The following CPZ variants were observed in gnomAD, a reference collection of about 807,000 sequenced individuals.
The protein encoded by CPZ is VEZT/CPZ fusion.
A neutral mutation model predicts 61.8 loss-of-function variants in CPZ; 103 were observed. The ratio of observed to expected loss-of-function variants is 1.67; its 90% confidence interval spans 1.42 to 1.96. The LOEUF (loss-of-function observed/expected upper bound fraction) is 1.96, where lower values mean the gene tolerates loss of function less well. CPZ is among the 30% of genes most tolerant of loss of function. The pLI is 0.00. For missense variants in CPZ, 1,461 were observed against 914.9 expected (o/e 1.60, Z -7.70); for synonymous variants, 551 against 373.7 (o/e 1.47, Z -5.47).
chr4:8,604,255 G>A (rs534821380), intron 4 of CPZ, 67 bp downstream of exon 4: 17 of 1,416,050 alleles, frequency 1.2e-5, no homozygotes, highest in African/African-American at 1.0e-4. Flanking sequence ...CTCCACCTTC[G>A]GGTGCACAAG....
chr4:8,618,358 A>G, intron 9 of CPZ, 71 bp from the exon 10 acceptor site: 1 of 1,447,522 alleles, frequency 6.9e-7, no homozygotes, highest in Non-Finnish European at 9.7e-7. Flanking sequence ...CATGTGGGGA[A>G]CGAGCTGACG....
intron 7 of CPZ, among the ~76,000 whole-genome samples, chr4:8,610,264 C>T (rs1439328765): frequency 3.3e-5 from 5 of 152,214 alleles, no homozygotes; most frequent in South Asian, 4.1e-4. Flanking sequence ...GCCTCTGGAC[C>T]GACAGCTCCT....
chr4:8,616,900 G>A (rs1204254845), intron 9 of CPZ, among the ~76,000 whole-genome samples: 2 of 152,202 alleles, frequency 1.3e-5, no homozygotes, highest in African/African-American at 2.4e-5. Context: ...AGGGGGCAGT[G>A]GCTGTCAGTC....
chr4:8,619,360 C>A lies in CPZ; in HGVS notation c.1702C>A (p.Pro568Thr). 1 of 1,614,210 alleles carries A rather than the reference C, an allele frequency of 6.2e-7. No homozygotes were observed. Among genetic ancestry groups the A allele is most frequent in the Non-Finnish European group, 8.5e-7 (1 of 1,180,028 alleles). The change falls in exon 11 of 11, where the codon CCC becomes ACC. Residue 568 changes from proline (P) to threonine (T), a missense_variant. Physicochemically the swap from Pro to Thr is conservative, Grantham distance 38 (BLOSUM62 -1). Transcript: ENST00000360986. ...YAKVIKKVII[P>T]ARMKRAGRVD... ...CAAAGTCATCAAGAAAGTCATCATC[C>A]CCGCCCGGATGAAGAGGGCTGGCCG...
chr4:8,604,789 T>C (rs552620856), intron 4 of CPZ, among the ~76,000 whole-genome samples: 34 of 152,384 alleles, frequency 2.2e-4, no homozygotes, highest in African/African-American at 7.7e-4. Flanking sequence ...CATTTGACCC[T>C]TGGTCATCAC....
intron 7 of CPZ, among the ~76,000 whole-genome samples, chr4:8,609,235 CACTCATTCACTCATCA>C (rs1560298279): frequency 1.4e-5 from 2 of 138,334 alleles, no homozygotes; most frequent in African/African-American, 5.6e-5. Flanking sequence ...CACTCATTGT[CACTCATTCACTCATCA>C]CTCACTCATT....
At chr4:8,595,654 A>G (rs1714124758) in intron 1 of CPZ, among the ~76,000 whole-genome samples, 2 of 152,216 alleles carry the variant, frequency 1.3e-5, no homozygotes, top group Admixed American at 6.5e-5. Flanking sequence ...AGCAGCACCC[A>G]CTGGGGCTTG....
chr4:8,608,968 A>T (rs1215697363), intron 7 of CPZ, among the ~76,000 whole-genome samples: 1 of 132,162 alleles, frequency 7.6e-6, no homozygotes, highest in African/African-American at 3.0e-5. Flanking sequence ...TTTGTCCTGC[A>T]TTTGTTCATT....
chr4:8,595,795 C>A (rs114011874), intron 1 of CPZ, among the ~76,000 whole-genome samples: 2 of 152,198 alleles, frequency 1.3e-5, no homozygotes, highest in Non-Finnish European at 2.9e-5. Context: ...TGAGGCCTCA[C>A]GGGATTAGGG....
intron 9 of CPZ, chr4:8,618,220 G>A (rs1002200704): frequency 1.7e-6 from 1 of 585,294 alleles, no homozygotes; most frequent in South Asian, 2.0e-5. Flanking sequence ...AACGTGCTCG[G>A]GTCAATTGCC....
chr4:8,605,825 G>A (rs143552919), intron 4 of CPZ, among the ~76,000 whole-genome samples, 164 bp from the exon 5 acceptor site: 1 of 152,366 alleles, frequency 6.6e-6, no homozygotes, highest in East Asian at 1.9e-4. Flanking sequence ...CTTAACAAAA[G>A]TGATGACCTT....
At chr4:8,605,019 A>G (rs2109322172) in intron 4 of CPZ, among the ~76,000 whole-genome samples, 1 of 152,348 alleles carries the variant, frequency 6.6e-6, no homozygotes, top group South Asian at 2.1e-4. Context: ...GGCAGGAGGC[A>G]GAGGCTCTCC....
In CPZ at chr4:8,606,193, C is replaced by T. The variant is rs1278679061; in HGVS notation, c.906+8C>T. On this transcript the variant is annotated splice_region_variant and intron_variant, in intron 5 of 10. Coordinates refer to ENST00000360986, the MANE Select transcript of CPZ (RefSeq NM_001014447.3). ...GAGGTGGCAGCTGCCGAGGTGAGCG[C>T]CCAGATGCCTGGATCCTGTGGGCCA... 1 of 1,611,070 alleles carries T rather than the reference C, an allele frequency of 6.2e-7. No homozygotes were observed. Among genetic ancestry groups the T allele is most frequent in the Non-Finnish European group, 8.5e-7 (1 of 1,178,356 alleles).
chr4:8,597,782 C>T (rs536349682), intron 1 of CPZ, among the ~76,000 whole-genome samples: 15 of 152,240 alleles, frequency 9.9e-5, no homozygotes, highest in Non-Finnish European at 1.6e-4. Flanking sequence ...CTCTTCCCCC[C>T]GGAAGATCGT....
rs369152044 is a variant in CPZ at position 8,592,878 on chromosome 4, C to A, written c.45C>A (p.Val15=). ...LPLLLLTVLV[V]AAARPGCEFE... is the part of the protein sequence containing the mutation. ...TGCTGCTCCTTACAGTCCTGGTCGTCGCCGCTGCCCGGCCGGGGTGCGAGT... is the reference window on the plus strand; with the variant it reads ...TGCTGCTCCTTACAGTCCTGGTCGTAGCCGCTGCCCGGCCGGGGTGCGAGT... The change falls in exon 1 of 11, where the codon GTC becomes GTA. Residue 15 remains valine, a synonymous_variant. Transcript: ENST00000360986. 1.3e-6 allele frequency: 2 copies of A among 1,533,692 alleles called. No homozygotes were observed. The highest frequency in any genetic ancestry group is 1.2e-5 in the South Asian group (1 of 83,512).
chr4:8,600,959 T>C, intron 2 of CPZ, 164 bp from the exon 3 acceptor site: 2 of 1,376,394 alleles, frequency 1.5e-6, no homozygotes, highest in Non-Finnish European at 1.9e-6. Flanking sequence ...TCTCACAGGC[T>C]CTGATTCCTG....
chr4:8,605,807 A>G lies in CPZ; in HGVS notation c.710-182A>G, dbSNP rs540554531. The stretch of plus-strand genomic sequence containing the variant: ...AACTAAGAATTCTGGCTAGGCATAA[A>G]AAACGAGCTTAACAAAAGTGATGAC... On this transcript the variant is annotated intron_variant, in intron 4 of 10. Coordinates refer to ENST00000360986, the MANE Select transcript of CPZ (RefSeq NM_001014447.3). Among the ~76,000 whole-genome samples the G allele has an allele frequency of 1.0e-4, 16 of 152,392 alleles. No homozygotes were observed. The East Asian group carries it at 2.5e-3, about 24-fold the overall frequency.
intron 8 of CPZ, among the ~76,000 whole-genome samples, chr4:8,613,498 G>T (rs2109341571): frequency 6.6e-6 from 1 of 152,338 alleles, no homozygotes; most frequent in Middle Eastern, 3.4e-3. Flanking sequence ...AGCTGGACCA[G>T]AGAGACGGTG....
Position 8,611,893 on chromosome 4 carries a change from AC to A in CPZ, c.1228-132del, listed in dbSNP as rs553173863. On this transcript the variant is annotated intron_variant, in intron 7 of 10. Transcript: ENST00000360986. The stretch of plus-strand genomic sequence containing the variant: ...CTGCAGGACACCGTTCCCCTCTCCT[AC>A]CTGCAGACACCATTCCCCTCTCCTA... 110 of 1,248,234 alleles carry A rather than the reference AC, an allele frequency of 8.8e-5. 1 individual carries two copies. The East Asian group carries it at 1.9e-3, about 22-fold the overall frequency. 77.3% of individuals were successfully genotyped at this position (1,248,234 alleles called of 1,614,324 possible). A position where few individuals can be genotyped will look rare whatever the true frequency, so the allele number is the denominator to read the frequency against.
Sources: allele counts gnomAD v4.1 joint callset (sites outside exome capture counted in the v4.1 genomes callset), GRCh38; gene constraint gnomAD v4.1.1; transcripts MANE v1.5; gene names NCBI Gene and HGNC (gene_info 2026-07-23, HGNC 2026-07-21).